Variants in ZNF211 observed in about 807,000 individuals in gnomAD.
The protein encoded by ZNF211 is zinc finger protein 211.
A neutral mutation model predicts 12.1 loss-of-function variants in ZNF211; 18 were observed. That is an observed-to-expected ratio of 1.48 (90% CI 1.03 to 2.20). The LOEUF is 2.20. Ranked by LOEUF, ZNF211 falls within the 30% of genes most tolerant of loss-of-function variation. ZNF211 has a pLI of 0.00. For missense variants in ZNF211, 677 were observed against 703.1 expected (o/e 0.96, Z 0.42); for synonymous variants, 249 against 246.0 (o/e 1.01, Z -0.11).
Position 57,641,498 on chromosome 19 carries a change from G to A in ZNF211, c.1051G>A (p.Glu351Lys), listed in dbSNP as rs1218205946. 1 of 1,614,090 alleles carries A rather than the reference G, an allele frequency of 6.2e-7. No homozygotes were observed. The highest frequency in any genetic ancestry group is 1.3e-5 in the African/African-American group (1 of 74,926). ...TAGCCATAGGAAAGTTCACACTGGAGAAAGGCCTTATGAATGTGGGGAATG... is the reference window on the plus strand; with the variant it reads ...TAGCCATAGGAAAGTTCACACTGGAAAAAGGCCTTATGAATGTGGGGAATG... ...LNSHRKVHTG[E>K]RPYECGECGK... is the part of the protein sequence containing the mutation. Residue 351 changes from glutamate (E) to lysine (K), a missense_variant, in exon 4 of 4, where the codon GAA (glutamate) becomes AAA (lysine). Glu to Lys is a moderately conservative substitution (Grantham distance 56). Coordinates refer to ENST00000240731, the MANE Select transcript of ZNF211 (RefSeq NM_006385.5).
intron 3 of ZNF211, among the ~76,000 whole-genome samples, chr19:57,635,197 G>A (rs1175344113): frequency 6.6e-6 from 1 of 152,160 alleles, no homozygotes; most frequent in Non-Finnish European, 1.5e-5. Flanking sequence ...ACATTACACA[G>A]ACTGTTCTTA....
chr19:57,641,515 T>C lies in ZNF211; in HGVS notation c.1068T>C (p.Cys356=), dbSNP rs1982936533. 6.2e-7 allele frequency: 1 copy of C among 1,613,530 alleles called. No homozygotes were observed. The highest frequency in any genetic ancestry group is 8.5e-7 in the Non-Finnish European group (1 of 1,179,848). Residue 356 remains cysteine (C), a synonymous_variant, in exon 4 of 4, where the codon TGT becomes TGC. Coordinates refer to ENST00000240731, the MANE Select transcript of ZNF211 (RefSeq NM_006385.5). ...ACACTGGAGAAAGGCCTTATGAATG[T>C]GGGGAATGTGGGAAATCTTTTAGCC... ...KVHTGERPYE[C]GECGKSFSQR...
rs141640914 is a variant in ZNF211, at chr19:57,642,165, T to C, written c.1718T>C (p.Ile573Thr). The C allele has an allele frequency of 6.2e-5, 99 of 1,607,838 alleles. No individual in the cohort carries two copies. In the African/African-American group the frequency reaches 1.2e-3, roughly 20 times the overall value. ...SVLIQHQRVH[I>T]GEKP is the part of the protein sequence containing the mutation. ...CTCATTCAACACCAGAGAGTTCACA[T>C]TGGAGAAAAGCCTTAGCTGTACTGA... Residue 573 changes from isoleucine to threonine, a missense_variant, in exon 4 of 4, where the codon ATT (isoleucine) becomes ACT (threonine). Coordinates refer to ENST00000240731, the MANE Select transcript of ZNF211 (RefSeq NM_006385.5).
chr19:57,637,687 A>G (rs1005892275), intron 3 of ZNF211, among the ~76,000 whole-genome samples: 9 of 152,312 alleles, frequency 5.9e-5, no homozygotes, highest in African/African-American at 2.2e-4. Context: ...ATAATCATCA[A>G]GGATATTGGT....
In ZNF211 at chr19:57,641,631, T is replaced by G; in HGVS notation, c.1184T>G (p.Phe395Cys). The G allele has an allele frequency of 6.2e-7, 1 of 1,609,166 alleles. No individual in the cohort carries two copies. Among genetic ancestry groups the G allele is most frequent in the Non-Finnish European group, 8.5e-7 (1 of 1,178,232 alleles). The change falls in exon 4 of 4, where the codon TTT (phenylalanine) becomes TGT (cysteine). Residue 395 changes from phenylalanine (F) to cysteine (C), a missense_variant. Coordinates refer to ENST00000240731, the MANE Select transcript of ZNF211 (RefSeq NM_006385.5). ...SECGKSFSQN[F>C]SLIYHQRVHT... ...TGTGGGAAATCTTTTAGCCAAAACT[T>G]TAGCCTGATCTACCACCAGAGAGTT...
rs768103828 is a variant in ZNF211, at chr19:57,642,393, T to A, written c.*212T>A. The stretch of plus-strand genomic sequence containing the variant: ...TGCCATTTATGGCTCTTGCCGTTTA[T>A]GTCACTGACAGTTTCTGAGGCAGAA... On this transcript the variant is annotated 3_prime_UTR_variant, in exon 4 of 4. Coordinates refer to ENST00000240731, the MANE Select transcript of ZNF211 (RefSeq NM_006385.5). 3.6e-6 allele frequency: 2 copies of A among 556,708 alleles called. No homozygotes were observed. Among genetic ancestry groups the A allele is most frequent in the Non-Finnish European group, 3.1e-6 (1 of 324,200 alleles). 34.5% of individuals were successfully genotyped at this position (556,708 alleles called of 1,614,324 possible).
chr19:57,633,969 G>T (rs1599953298), intron 1 of ZNF211, 54 bp from the exon 2 acceptor site: 1 of 1,597,310 alleles, frequency 6.3e-7, no homozygotes, highest in Non-Finnish European at 8.5e-7. Context: ...GAAGGCCTGT[G>T]CCCATGGAGC....
chr19:57,637,424 G>A (rs73064526), intron 3 of ZNF211, among the ~76,000 whole-genome samples: 8,655 of 151,978 alleles, frequency 0.057, 330 homozygotes, highest in South Asian at 0.098. Context: ...TGAGATGATC[G>A]TTTTAATTTT....
chr19:57,640,572 A>AC (rs370514762), intron 3 of ZNF211, 132 bp from the exon 4 acceptor site: 54 of 1,160,008 alleles, frequency 4.7e-5, no homozygotes, highest in Middle Eastern at 2.9e-4. Flanking sequence ...CCTCAACCTG[A>AC]CCCCCCAACT....
At chr19:57,634,783 C>CTGT in intron 3 of ZNF211, 28 bp downstream of exon 3, 1 of 1,533,540 alleles carries the variant, frequency 6.5e-7, no homozygotes, top group South Asian at 1.3e-5. Flanking sequence ...ACCCTTGTGC[C>CTGT]CTGGACTAGG....
At position 57,641,427 on chromosome 19, in the gene ZNF211, C is replaced by G; in HGVS notation, c.980C>G (p.Ala327Gly). The G allele has an allele frequency of 6.2e-7, 1 of 1,613,458 alleles. No individual in the cohort carries two copies. The highest frequency in any genetic ancestry group is 8.5e-7 in the Non-Finnish European group (1 of 1,179,846). The change falls in exon 4 of 4, where the codon GCG (alanine) becomes GGG (glycine). Residue 327 changes from alanine to glycine, a missense_variant. Transcript: ENST00000240731. ...GTTCATACTGGAGAAAGGCCTTATG[C>G]GTGCCCTGAATGTGGGAAATCGTTT... ...QRVHTGERPY[A>G]CPECGKSFSQ...
chr19:57,639,747 C>CT (rs993145029), intron 3 of ZNF211, among the ~76,000 whole-genome samples: 3 of 151,926 alleles, frequency 2.0e-5, no homozygotes, highest in Admixed American at 6.6e-5. Context: ...TCATGTAGCT[C>CT]TTTTTTTAAA....
intron 3 of ZNF211, among the ~76,000 whole-genome samples, chr19:57,639,453 T>C (rs4801236): frequency 1.8e-5 from 2 of 109,740 alleles, no homozygotes; most frequent in African/African-American, 7.3e-5. Context: ...GGTGTCTCAC[T>C]CTGTTGCCCA....
intron 3 of ZNF211, among the ~76,000 whole-genome samples, chr19:57,635,937 G>A (rs915710888): frequency 6.6e-6 from 1 of 152,132 alleles, no homozygotes; most frequent in Non-Finnish European, 1.5e-5. Flanking sequence ...AAATTGGTGT[G>A]AGGTGATATC....
intron 3 of ZNF211, chr19:57,639,892 A>G (rs936061648): frequency 5.2e-6 from 8 of 1,525,972 alleles, no homozygotes; most frequent in Admixed American, 4.0e-5. Flanking sequence ...AGTTGCTCAC[A>G]TGTCCTGTCT....
chr19:57,640,585 C>A, intron 3 of ZNF211, 119 bp from the exon 4 acceptor site: 1 of 1,333,080 alleles, frequency 7.5e-7, no homozygotes, highest in Non-Finnish European at 1.0e-6. Flanking sequence ...CCCCAACTCA[C>A]TTTTCCTAAA....
chr19:57,641,034 AACCC>A lies in ZNF211; in HGVS notation c.588_591del (p.Lys196AsnfsTer15). 1 of 1,614,202 alleles carries A rather than the reference AACCC, an allele frequency of 6.2e-7. No homozygotes were observed. The highest frequency in any genetic ancestry group is 8.5e-7 in the Non-Finnish European group (1 of 1,180,042). On this transcript the variant is annotated frameshift_variant, in exon 4 of 4. Transcript: ENST00000240731. LOFTEE classifies it low-confidence loss of function (END_TRUNC). ...AGTTGCATAGTCCATGTGTCGGAGA[AACCC>A]TTTACCTGCAGGGAGATCAGGAAAG...
chr19:57,641,814 A>T lies in ZNF211; in HGVS notation c.1367A>T (p.His456Leu), dbSNP rs563053531. ...SFKQSSSFSSHRKVHTGERPY... is the reference protein window; with the variant it reads ...SFKQSSSFSSLRKVHTGERPY... Reference sequence around the variant, plus strand: ...AAGCAAAGCTCCAGCTTCAGTTCACATCGGAAAGTCCACACAGGGGAAAGG... The same window carrying T: ...AAGCAAAGCTCCAGCTTCAGTTCACTTCGGAAAGTCCACACAGGGGAAAGG... Residue 456 changes from histidine (H) to leucine (L), a missense_variant, in exon 4 of 4, where the codon CAT becomes CTT. By Grantham distance (99) the His-to-Leu change is moderately conservative (BLOSUM62 -3). Transcript: ENST00000240731. The T allele has an allele frequency of 1.2e-6, 2 of 1,613,972 alleles. No homozygotes were observed. The highest frequency in any genetic ancestry group is 1.7e-6 in the Non-Finnish European group (2 of 1,180,016).
intron 3 of ZNF211, among the ~76,000 whole-genome samples, chr19:57,635,221 C>A (rs1254207664): frequency 6.6e-6 from 1 of 152,194 alleles, no homozygotes; most frequent in Non-Finnish European, 1.5e-5. Context: ...AAACCTCCTT[C>A]AAGGTGTTTT....
Sources: allele counts gnomAD v4.1 joint callset (sites outside exome capture counted in the v4.1 genomes callset), GRCh38; gene constraint gnomAD v4.1.1; transcripts MANE v1.5; gene names NCBI Gene and HGNC (gene_info 2026-07-23, HGNC 2026-07-21).